Variants in TNRC6B observed in about 807,000 individuals in gnomAD.
TNRC6B encodes trinucleotide repeat-containing gene 6B protein.
In TNRC6B, 52 loss-of-function variants were observed where a neutral mutation model predicts 203.6. The observed-to-expected ratio is 0.26, with a 90% CI of 0.20 to 0.32. TNRC6B has a LOEUF of 0.32. Ranked by LOEUF, TNRC6B falls within the 10% of genes least tolerant of loss-of-function variation. The probability of loss-of-function intolerance (pLI) is 1.00; values close to 1 mark genes in which losing one functional copy is unlikely to be tolerated. For synonymous variants in TNRC6B, 838 were observed against 845.7 expected, an observed-to-expected ratio of 0.99 and a Z score of 0.16; for missense variants, 1,923 against 2,286.2, an observed-to-expected ratio of 0.84 and a Z score of 3.24.
At chr22:40,179,143 C>T (rs2069102143) in intron 1 of TNRC6B, among the ~76,000 whole-genome samples, 1 of 152,196 alleles carries the variant, frequency 6.6e-6, no homozygotes, top group African/African-American at 2.4e-5. Flanking sequence ...ACCCCTGAAG[C>T]TGTGCAGTGC....
rs2071416309 is a variant in TNRC6B, at chr22:40,327,297, G to C, written c.*4056G>C. On this transcript the variant is annotated 3_prime_UTR_variant, in exon 23 of 23. Coordinates refer to ENST00000454349, the MANE Select transcript of TNRC6B (RefSeq NM_001162501.2). ...CTCACCCATAAAGGAAATTGGAGTGGTTCTGGACAGGCCCCAAAGGCAGTG... is the reference window on the plus strand; with the variant it reads ...CTCACCCATAAAGGAAATTGGAGTGCTTCTGGACAGGCCCCAAAGGCAGTG... The C allele has an allele frequency of 6.6e-6, 1 of 152,656 alleles. No individual in the cohort carries two copies. The highest frequency in any genetic ancestry group is 2.4e-5 in the African/African-American group (1 of 41,426). 9.5% of individuals were successfully genotyped at this position (152,656 alleles called of 1,614,324 possible).
chr22:40,060,350 T>C (rs1167341454), intron 1 of TNRC6B, among the ~76,000 whole-genome samples: 1 of 152,110 alleles, frequency 6.6e-6, no homozygotes, highest in Non-Finnish European at 1.5e-5. Flanking sequence ...GGCTAATTTT[T>C]ATAAATTTAT....
At chr22:40,276,891 A>T (rs1297482201) in intron 7 of TNRC6B, 186 bp from the exon 8 acceptor site, 1 of 400,986 alleles carries the variant, frequency 2.5e-6, no homozygotes, top group Admixed American at 4.5e-5. Context: ...TATAAAAATG[A>T]AAACATAGAT....
chr22:40,154,431 T>G (rs1159834176), intron 3 of TNRC6B, among the ~76,000 whole-genome samples: 1 of 151,670 alleles, frequency 6.6e-6, no homozygotes, highest in Non-Finnish European at 1.5e-5. Context: ...GTCATTGCAC[T>G]CCAACCTGGG....
At chr22:40,212,050 A>G (rs2069571949) in intron 1 of TNRC6B, among the ~76,000 whole-genome samples, 2 of 152,242 alleles carry the variant, frequency 1.3e-5, no homozygotes, top group African/African-American at 4.8e-5. Context: ...GTTCCTCACC[A>G]AGATGAAGTT....
At chr22:40,111,687 G>A (rs2068336440) in intron 1 of TNRC6B, among the ~76,000 whole-genome samples, 1 of 152,180 alleles carries the variant, frequency 6.6e-6, no homozygotes, top group Admixed American at 6.5e-5. Context: ...GGGCCCTGTG[G>A]CACCTGAGGT....
intron 12 of TNRC6B, among the ~76,000 whole-genome samples, chr22:40,297,314 T>C (rs984641125): frequency 2.0e-5 from 3 of 152,188 alleles, no homozygotes; most frequent in Admixed American, 2.0e-4. Context: ...TAGATTATCC[T>C]CAGCTCTATC....
chr22:40,190,460 G>A (rs1189004277), intron 1 of TNRC6B, among the ~76,000 whole-genome samples: 5 of 152,146 alleles, frequency 3.3e-5, no homozygotes, highest in Admixed American at 2.0e-4. Flanking sequence ...CTCTTCATGA[G>A]TTATGAAAAT....
At chr22:40,132,216 T>C (rs1807579) in intron 3 of TNRC6B, among the ~76,000 whole-genome samples, 34,652 of 152,006 alleles carry the variant, frequency 0.23, 4,280 homozygotes, top group Admixed American at 0.34. Context: ...GGCCTGTTAG[T>C]GTGCACCTGT....
At chr22:40,217,229 CT>C (rs1555890404) in intron 1 of TNRC6B, among the ~76,000 whole-genome samples, 1 of 152,166 alleles carries the variant, frequency 6.6e-6, no homozygotes, top group Non-Finnish European at 1.5e-5. Flanking sequence ...GTAGAGACTA[CT>C]TCTTAACACA....
intron 1 of TNRC6B, among the ~76,000 whole-genome samples, chr22:40,104,198 C>T (rs1179922260): frequency 6.6e-6 from 1 of 151,990 alleles, no homozygotes; most frequent in Non-Finnish European, 1.5e-5. Flanking sequence ...CTGCAGTGAG[C>T]GGAGATCACA....
At chr22:40,292,480 C>T (rs1392945930) in intron 12 of TNRC6B, among the ~76,000 whole-genome samples, 1 of 152,184 alleles carries the variant, frequency 6.6e-6, no homozygotes, top group African/African-American at 2.4e-5. Flanking sequence ...TAACATATTC[C>T]AGCAGGCTTT....
chr22:40,312,298 G>A (rs1020129874), intron 17 of TNRC6B, among the ~76,000 whole-genome samples: 12 of 152,194 alleles, frequency 7.9e-5, no homozygotes, highest in African/African-American at 2.7e-4. Context: ...CCAGTTGACT[G>A]CCACAGACAG....
intron 1 of TNRC6B, among the ~76,000 whole-genome samples, chr22:40,081,307 GTTT>G (rs34140652): frequency 9.9e-6 from 1 of 101,490 alleles, no homozygotes; most frequent in East Asian, 3.2e-4. Context: ...GTGTCTGCGT[GTTT>G]TTTTTTTTTT....
intron 1 of TNRC6B, among the ~76,000 whole-genome samples, chr22:40,182,997 C>T (rs1440128725): frequency 6.6e-6 from 1 of 152,116 alleles, no homozygotes; most frequent in African/African-American, 2.4e-5. Flanking sequence ...GGTACGTCTC[C>T]ACAATACTAT....
chr22:40,315,253 T>C, intron 19 of TNRC6B, 30 bp from the exon 20 acceptor site: 1 of 1,585,834 alleles, frequency 6.3e-7, no homozygotes, highest in Non-Finnish European at 8.7e-7. Context: ...CGTCTAACCT[T>C]ATTCCTTCCT....
At chr22:40,165,370 CCTGA>C (rs780463735) in intron 4 of TNRC6B, among the ~76,000 whole-genome samples, 4 of 151,704 alleles carry the variant, frequency 2.6e-5, no homozygotes, top group Non-Finnish European at 4.4e-5. Flanking sequence ...AGCGACAAAG[CCTGA>C]CTATGTTGCC....
At chr22:40,191,187 C>CT (rs1198360911) in intron 1 of TNRC6B, among the ~76,000 whole-genome samples, 1 of 151,846 alleles carries the variant, frequency 6.6e-6, no homozygotes, top group Non-Finnish European at 1.5e-5. Flanking sequence ...GTCAGGACAG[C>CT]TGTGTGGTCA....
At chr22:40,098,065 G>C (rs1473655100) in intron 1 of TNRC6B, among the ~76,000 whole-genome samples, 1 of 151,996 alleles carries the variant, frequency 6.6e-6, no homozygotes, top group African/African-American at 2.4e-5. Context: ...GTGTGTGTGT[G>C]TAAGTGTATG....
Sources: allele counts gnomAD v4.1 joint callset (sites outside exome capture counted in the v4.1 genomes callset), GRCh38; gene constraint gnomAD v4.1.1; transcripts MANE v1.5; gene names NCBI Gene and HGNC (gene_info 2026-07-23, HGNC 2026-07-21).